The following TMPRSS5 variants were observed in gnomAD, a reference collection of about 807,000 sequenced individuals.
TMPRSS5 encodes the protein transmembrane serine protease 5.
A neutral mutation model predicts 59.7 loss-of-function variants in TMPRSS5; 45 were observed. The observed-to-expected ratio is 0.75, with a 90% CI of 0.59 to 0.97. TMPRSS5 has a LOEUF of 0.97. Among genes scored for constraint, TMPRSS5 ranks in the 50% least tolerant of loss-of-function variants. The pLI is 0.00. For synonymous variants in TMPRSS5, 225 were observed against 232.0 expected (o/e 0.97, Z 0.27); for missense variants, 585 against 596.7 (o/e 0.98, Z 0.20).
At chr11:113,701,932 T>A (rs911452219) in intron 1 of TMPRSS5, among the ~76,000 whole-genome samples, 5 of 152,134 alleles carry the variant, frequency 3.3e-5, no homozygotes, top group African/African-American at 4.8e-5. Flanking sequence ...TCGGTATTTG[T>A]CCTAATGCTC....
rs375622826 is a variant in TMPRSS5 at position 113,695,511 on chromosome 11, G to A, written c.579-68C>T. On this transcript the variant is annotated intron_variant, in intron 6 of 12. Coordinates refer to ENST00000299882, the MANE Select transcript of TMPRSS5 (RefSeq NM_030770.4). ...CCTGCAGCCACACACATCCAAGGAC[G>A]TGAAGAATGGGGGAGGCTGGTGGGG... The A allele has an allele frequency of 1.3e-4, 195 of 1,525,742 alleles. No homozygotes were observed. In the Admixed American group the frequency reaches 1.5e-3, roughly 12 times the overall value. 94.5% of individuals were successfully genotyped at this position (1,525,742 alleles called of 1,614,324 possible). A position where few individuals can be genotyped will look rare whatever the true frequency, so the allele number is the denominator to read the frequency against.
In TMPRSS5 at chr11:113,706,276, G is replaced by T; in HGVS notation, c.-52C>A. 1 of 1,590,242 alleles carries T rather than the reference G, an allele frequency of 6.3e-7. No homozygotes were observed. The highest frequency in any genetic ancestry group is 8.6e-7 in the Non-Finnish European group (1 of 1,168,256). ...CTCAGGGTCTACTAGGCAATGTTCCGCTCCTGTTCTCAGGCCAGCATTGAT... is the reference window on the plus strand; with the variant it reads ...CTCAGGGTCTACTAGGCAATGTTCCTCTCCTGTTCTCAGGCCAGCATTGAT... On this transcript the variant is annotated 5_prime_UTR_variant, in exon 1 of 13. Coordinates refer to ENST00000299882, the MANE Select transcript of TMPRSS5 (RefSeq NM_030770.4).
chr11:113,700,003 T>C, intron 2 of TMPRSS5, 63 bp downstream of exon 2: 1 of 1,550,600 alleles, frequency 6.4e-7, no homozygotes, highest in East Asian at 2.4e-5. Context: ...ATCCGGGGAA[T>C]GTAGGATGAT....
chr11:113,689,897 T>C lies in TMPRSS5; in HGVS notation c.1227A>G (p.Leu409=). The part of the protein sequence containing the change: ...DACQGDSGGP[L]VCPDGDTWRL... Reference sequence around the variant, plus strand: ...GCCATGTGTCCCCATCTGGGCACACTAGGGGGCCCCCGCTATCTCCCTAAG... The same window carrying C: ...GCCATGTGTCCCCATCTGGGCACACCAGGGGGCCCCCGCTATCTCCCTAAG... Residue 409 remains leucine, a synonymous_variant, in exon 12 of 13, where the codon CTA becomes CTG. Transcript: ENST00000299882. 1 of 1,566,074 alleles carries C rather than the reference T, an allele frequency of 6.4e-7. No individual in the cohort carries two copies. The highest frequency in any genetic ancestry group is 8.7e-7 in the Non-Finnish European group (1 of 1,155,412).
chr11:113,694,492 T>C lies in TMPRSS5; in HGVS notation c.771A>G (p.Ala257=), dbSNP rs776409727. 6.4e-7 allele frequency: 1 copy of C among 1,566,702 alleles called. No individual in the cohort carries two copies. The highest frequency in any genetic ancestry group is 2.4e-5 in the East Asian group (1 of 41,946). ...CAGAGACTTGCCTGTGCATACAATG[T>C]GCAGCAGTCACCACCCAGCGTGGCG... ...VLAPRWVVTA[A]HCMHSFRLAR... Residue 257 remains alanine, a synonymous_variant, in exon 8 of 13, where the codon GCA becomes GCG. Coordinates refer to ENST00000299882, the MANE Select transcript of TMPRSS5 (RefSeq NM_030770.4).
intron 2 of TMPRSS5, 157 bp from the exon 3 acceptor site, chr11:113,699,850 G>C: frequency 7.1e-7 from 1 of 1,417,530 alleles, no homozygotes. Flanking sequence ...GTGGGGGCAG[G>C]GGAGGATGGA....
At chr11:113,697,940 T>C (rs1009092885) in intron 4 of TMPRSS5, among the ~76,000 whole-genome samples, 2 of 152,190 alleles carry the variant, frequency 1.3e-5, no homozygotes, top group Non-Finnish European at 2.9e-5. Context: ...TCAATGTGAC[T>C]GTATTTGGAG....
chr11:113,696,351 C>A (rs1279256510), intron 6 of TMPRSS5, among the ~76,000 whole-genome samples: 1 of 152,198 alleles, frequency 6.6e-6, no homozygotes, highest in Non-Finnish European at 1.5e-5. Flanking sequence ...AGGGGCTGCT[C>A]CATTCCACAG....
At chr11:113,690,397 T>G (rs201619546) in intron 10 of TMPRSS5, 24 bp from the exon 11 acceptor site, 3 of 1,589,052 alleles carry the variant, frequency 1.9e-6, no homozygotes, top group Non-Finnish European at 2.6e-6. Context: ...CGAGAAAAAC[T>G]GCAGGGCACA....
rs58784708 is a variant in TMPRSS5, at chr11:113,691,892, C to CTTTTTTTTTTTTTTTTTTTTTTTTTTTT, written c.965-954_965-953insAAAAAAAAAAAAAAAAAAAAAAAAAAAA. The stretch of plus-strand genomic sequence containing the variant: ...AGAAAGTTTTCTTTTCCTTTTTTTT[C>CTTTTTTTTTTTTTTTTTTTTTTTTTTTT]TTTTTTTTTTTTTGAGACGGAGTCT... On this transcript the variant is annotated intron_variant, in intron 9 of 12. Coordinates refer to ENST00000299882, the MANE Select transcript of TMPRSS5 (RefSeq NM_030770.4). 3.3e-5 allele frequency among the ~76,000 whole-genome samples: 4 copies of CTTTTTTTTTTTTTTTTTTTTTTTTTTTT among 121,114 alleles called. 1 individual carries two copies. Among genetic ancestry groups the CTTTTTTTTTTTTTTTTTTTTTTTTTTTT allele is most frequent in the African/African-American group, 7.3e-5 (2 of 27,450 alleles). The allele number at this position is 121,114 out of a possible 152,430, so 79.5% of individuals were successfully genotyped here.
At chr11:113,703,212 C>T (rs186628636) in intron 1 of TMPRSS5, among the ~76,000 whole-genome samples, 1 of 152,354 alleles carries the variant, frequency 6.6e-6, no homozygotes, top group African/African-American at 2.4e-5. Flanking sequence ...CTTGCATCAG[C>T]GTGACCTGGA....
In TMPRSS5 at chr11:113,689,908, C is replaced by T. The variant is rs1368822178; in HGVS notation, c.1216G>A (p.Gly406Arg). The T allele has an allele frequency of 6.4e-6, 10 of 1,558,358 alleles. No individual in the cohort carries two copies. Among genetic ancestry groups the T allele is most frequent in the Non-Finnish European group, 7.8e-6 (9 of 1,150,912 alleles). The change falls in exon 12 of 13, where the codon GGG becomes AGG. Residue 406 changes from glycine (G) to arginine (R), a missense_variant. Transcript: ENST00000299882. ...CCATCTGGGCACACTAGGGGGCCCC[C>T]GCTATCTCCCTAAGGGATCCAGGCA... The part of the protein sequence containing the change: ...GRADACQGDS[G>R]GPLVCPDGDT...
intron 3 of TMPRSS5, 96 bp downstream of exon 3, chr11:113,699,499 A>T (rs1285379626): frequency 1.0e-6 from 1 of 999,288 alleles, no homozygotes; most frequent in African/African-American, 1.6e-5. Flanking sequence ...AGAGTAGTTG[A>T]GGAAGACAGT....
At chr11:113,703,642 G>A (rs774944545) in intron 1 of TMPRSS5, among the ~76,000 whole-genome samples, 24 of 152,304 alleles carry the variant, frequency 1.6e-4, no homozygotes, top group Non-Finnish European at 2.9e-4. Context: ...TAATTACCAC[G>A]CACTGGGGGA....
intron 8 of TMPRSS5, 101 bp from the exon 9 acceptor site, chr11:113,693,350 G>C (rs922987434): frequency 5.3e-6 from 7 of 1,332,016 alleles, no homozygotes; most frequent in East Asian, 2.6e-5. Context: ...GCCATTGGTG[G>C]GGGGGCCGTC....
intron 1 of TMPRSS5, among the ~76,000 whole-genome samples, chr11:113,703,075 T>C (rs1277695969): frequency 6.6e-6 from 1 of 152,172 alleles, no homozygotes; most frequent in Non-Finnish European, 1.5e-5. Flanking sequence ...GACCCCAGAA[T>C]GGTAGATCCA....
Position 113,697,359 on chromosome 11 carries a change from GT to G in TMPRSS5, c.387del (p.Arg130AlafsTer33). 1 of 1,613,818 alleles carries G rather than the reference GT, an allele frequency of 6.2e-7. No individual in the cohort carries two copies. The highest frequency in any genetic ancestry group is 8.5e-7 in the Non-Finnish European group (1 of 1,179,720). ...CCCTCATGGCAGACCAGGAGCCAGC[GT>G]GGCTGATCCCTCACTTGCGCTTCCA... ...FLLEAQVRDQ[P>X]RWLLVCHEGW... On this transcript the variant is annotated frameshift_variant, in exon 5 of 13. Transcript: ENST00000299882. LOFTEE classifies it high-confidence loss of function.
intron 1 of TMPRSS5, among the ~76,000 whole-genome samples, chr11:113,703,727 A>G (rs142871193): frequency 2.6e-5 from 4 of 152,216 alleles, no homozygotes; most frequent in African/African-American, 7.2e-5. Context: ...GTGAGTTCTC[A>G]CAAGATCTGA....
chr11:113,699,289 CTCTG>C lies in TMPRSS5; in HGVS notation c.206-266_206-263del, dbSNP rs1565263971. ...TCTCTCTCCCTCTCTCTCTCTCTCT[CTCTG>C]TCTCTCTCTCTCTCTAGCTGTCTCT... On this transcript the variant is annotated intron_variant, in intron 3 of 12. Transcript: ENST00000299882. 9.2e-4 allele frequency among the ~76,000 whole-genome samples: 129 copies of C among 139,464 alleles called. 14 individuals are homozygous for C. The East Asian group carries it at 0.013, about 14-fold the overall frequency. 91.5% of individuals were successfully genotyped at this position (139,464 alleles called of 152,430 possible).
Sources: allele counts gnomAD v4.1 joint callset (sites outside exome capture counted in the v4.1 genomes callset), GRCh38; gene constraint gnomAD v4.1.1; transcripts MANE v1.5; gene names NCBI Gene and HGNC (gene_info 2026-07-23, HGNC 2026-07-21).